The following SEPTIN5 variants were observed in gnomAD, a reference collection of about 807,000 sequenced individuals.
SEPTIN5 encodes septin-5.
A neutral mutation model predicts 51.2 loss-of-function variants in SEPTIN5; 16 were observed. That is an observed-to-expected ratio of 0.31 (90% CI 0.21 to 0.47). The LOEUF (loss-of-function observed/expected upper bound fraction) is 0.47, where lower values mean the gene tolerates loss of function less well. Among genes scored for constraint, SEPTIN5 ranks in the 20% least tolerant of loss-of-function variants. SEPTIN5 has a pLI of 0.99. For missense variants in SEPTIN5, 376 were observed against 500.3 expected (o/e 0.75, Z 2.37); for synonymous variants, 208 against 191.2 (o/e 1.09, Z -0.72).
chr22:19,718,420 CG>C, intron 2 of SEPTIN5: 23 of 1,060,928 alleles, frequency 2.2e-5, no homozygotes, highest in Non-Finnish European at 2.5e-5. Context: ...TGCCGCCCCC[CG>C]CCGCGCGCTC....
intron 2 of SEPTIN5, chr22:19,718,854 A>G: frequency 8.1e-7 from 1 of 1,231,200 alleles, no homozygotes; most frequent in Non-Finnish European, 1.0e-6. Flanking sequence ...TGGGTCTGTG[A>G]CCCCGCGGGC....
intron 2 of SEPTIN5, among the ~76,000 whole-genome samples, chr22:19,716,703 C>T (rs1291245451): frequency 6.6e-6 from 1 of 152,210 alleles, no homozygotes; most frequent in African/African-American, 2.4e-5. Context: ...CCCTCCTGAC[C>T]TGGGCCTCCC....
intron 2 of SEPTIN5, chr22:19,718,506 GCTTGGGGC>G: frequency 1.6e-6 from 2 of 1,255,074 alleles, no homozygotes; most frequent in Non-Finnish European, 2.0e-6. Flanking sequence ...CGCCGCCACA[GCTTGGGGC>G]CAGTTCGCCC....
At chr22:19,718,049 T>G (rs1935942650) in intron 2 of SEPTIN5, 1 of 152,218 alleles carries the variant, frequency 6.6e-6, no homozygotes, top group Non-Finnish European at 1.5e-5. Context: ...CGGGCAAGTC[T>G]GCGAGAAGAC....
Position 19,721,803 on chromosome 22 carries a change from A to ACCCCCCC in SEPTIN5, c.815-16_815-15insCCCCCCC. ...TGTCCTGGGCCGGCGCCAGCCCACTACCCACCCCCACCCCGCAGTGGAGAA... is the reference window on the plus strand; with the variant it reads ...TGTCCTGGGCCGGCGCCAGCCCACTACCCCCCCCCCACCCCCACCCCGCAGTGGAGAA... On this transcript the variant is annotated intron_variant, in intron 9 of 11. Coordinates refer to ENST00000455784, the MANE Select transcript of SEPTIN5 (RefSeq NM_002688.6). The ACCCCCCC allele has an allele frequency of 1.3e-6, 2 of 1,561,964 alleles. No homozygotes were observed. Among genetic ancestry groups the ACCCCCCC allele is most frequent in the Non-Finnish European group, 8.8e-7 (1 of 1,138,866 alleles).
At chr22:19,720,721 G>A in intron 7 of SEPTIN5, 47 bp from the exon 8 acceptor site, 10 of 1,612,108 alleles carry the variant, frequency 6.2e-6, no homozygotes, top group Non-Finnish European at 8.5e-6. Context: ...GAGAGTACCA[G>A]GGGGACTTGT....
At position 19,714,951 on chromosome 22, in the gene SEPTIN5, G is replaced by A. The variant is rs1935893532; in HGVS notation, c.54+160G>A. 6.6e-6 allele frequency among the ~76,000 whole-genome samples: 1 copy of A among 152,208 alleles called. No individual in the cohort carries two copies. The highest frequency in any genetic ancestry group is 1.5e-5 in the Non-Finnish European group (1 of 68,026). ...CAGCCGGGCAGTGCCGCCGCGCCTG[G>A]GGCTTCAGAGGAGAGGAGTGGGGGC... On this transcript the variant is annotated intron_variant, in intron 2 of 11. Transcript: ENST00000455784. The surrounding 1 kb of genome is among the most constrained non-coding windows in gnomAD (Gnocchi z 5.2).
chr22:19,722,165 C>T, intron 10 of SEPTIN5, 72 bp from the exon 11 acceptor site: 1 of 1,253,146 alleles, frequency 8.0e-7, no homozygotes, highest in Non-Finnish European at 1.1e-6. Context: ...CGGGGATGGG[C>T]CAGGCATCGC....
In SEPTIN5 at chr22:19,722,753, CG is replaced by C. The variant is rs1936074218; in HGVS notation, c.*271del. On this transcript the variant is annotated 3_prime_UTR_variant, in exon 12 of 12. Transcript: ENST00000455784. ...GCCTCCCTTGCCCTTCCCCCGCCCC[CG>C]GACGGTCACAGCACCCAAACCGCAG... is the stretch of plus-strand genomic sequence containing the variant. 1.1e-5 allele frequency: 6 copies of C among 549,238 alleles called. No homozygotes were observed. Among genetic ancestry groups the C allele is most frequent in the Admixed American group, 6.4e-5 (2 of 31,326 alleles). The allele number at this position is 549,238 out of a possible 1,614,324, so 34.0% of individuals were successfully genotyped here.
intron 2 of SEPTIN5, chr22:19,717,749 C>T: frequency 3.9e-6 from 1 of 256,850 alleles, no homozygotes; most frequent in Non-Finnish European, 7.8e-6. Flanking sequence ...CCCCGAATGT[C>T]TTGGGAAAGA....
Position 19,720,610 on chromosome 22 carries a change from C to G in SEPTIN5, c.559C>G (p.Leu187Val), listed in dbSNP as rs1345148833. Residue 187 changes from leucine to valine, a missense_variant, in exon 7 of 12, where the codon CTC becomes GTC. Physicochemically the swap from Leu to Val is conservative, Grantham distance 32. Around this residue, in one of 2 missense-constraint regions of SEPTIN5, gnomAD observed 287 missense variants for 417.1 expected, o/e 0.69. Transcript: ENST00000455784. ...GCATGAGAAGGTCAACATCGTGCCTCTCATCGCCAAAGCTGACTGTCTTGT... is the reference window on the plus strand; with the variant it reads ...GCATGAGAAGGTCAACATCGTGCCTGTCATCGCCAAAGCTGACTGTCTTGT... Reference protein sequence around the residue: ...ALHEKVNIVPLIAKADCLVPS... With the variant: ...ALHEKVNIVPVIAKADCLVPS... 6.2e-7 allele frequency: 1 copy of G among 1,612,916 alleles called. No individual in the cohort carries two copies. The highest frequency in any genetic ancestry group is 8.5e-7 in the Non-Finnish European group (1 of 1,180,040).
intron 5 of SEPTIN5, 40 bp downstream of exon 5, chr22:19,720,278 C>T: frequency 6.2e-7 from 1 of 1,613,426 alleles, no homozygotes. Flanking sequence ...CCTAGGCGGC[C>T]ACAGCACTCG....
At chr22:19,721,586 G>T in intron 8 of SEPTIN5, 54 bp from the exon 9 acceptor site, 1 of 1,594,506 alleles carries the variant, frequency 6.3e-7, no homozygotes, top group Admixed American at 1.7e-5. Flanking sequence ...TTTCCCATCA[G>T]TAACCGTGCA....
chr22:19,720,365 C>T lies in SEPTIN5; in HGVS notation c.408C>T (p.Tyr136=), dbSNP rs1288010112. 1.2e-6 allele frequency: 2 copies of T among 1,614,010 alleles called. No individual in the cohort carries two copies. The highest frequency in any genetic ancestry group is 1.1e-5 in the South Asian group (1 of 91,090). ...TDYVDQQFEQ[Y]FRDESGLNRK... ...ATGTGGACCAGCAGTTTGAGCAGTACTTCCGTGATGAGAGCGGCCTCAACC... is the reference window on the plus strand; with the variant it reads ...ATGTGGACCAGCAGTTTGAGCAGTATTTCCGTGATGAGAGCGGCCTCAACC... Residue 136 remains tyrosine, a synonymous_variant, in exon 6 of 12, where the codon TAC becomes TAT. Transcript: ENST00000455784.
Position 19,722,997 on chromosome 22 carries a change from G to T in SEPTIN5, c.*513G>T. ...GGGCAGGGTTGGGCTGAATCAAATG[G>T]GAGCCCTCCAGACATAAGGAGGCCA... On this transcript the variant is annotated 3_prime_UTR_variant, in exon 12 of 12. Coordinates refer to ENST00000455784, the MANE Select transcript of SEPTIN5 (RefSeq NM_002688.6). The T allele has an allele frequency of 2.2e-6, 1 of 446,258 alleles. No individual in the cohort carries two copies. The highest frequency in any genetic ancestry group is 2.0e-5 in the South Asian group (1 of 49,878). The allele number at this position is 446,258 out of a possible 1,614,324, so 27.6% of individuals were successfully genotyped here. A position where few individuals can be genotyped will look rare whatever the true frequency, so the allele number is the denominator to read the frequency against.
chr22:19,720,616 G>A lies in SEPTIN5; in HGVS notation c.565G>A (p.Ala189Thr). 2 of 1,612,972 alleles carry A rather than the reference G, an allele frequency of 1.2e-6. No homozygotes were observed. Among genetic ancestry groups the A allele is most frequent in the Non-Finnish European group, 1.7e-6 (2 of 1,180,022 alleles). ...GAAGGTCAACATCGTGCCTCTCATC[G>A]CCAAAGCTGACTGTCTTGTCCCCAG... ...HEKVNIVPLIAKADCLVPSEI... is the reference protein window; with the variant it reads ...HEKVNIVPLITKADCLVPSEI... Residue 189 changes from alanine (A) to threonine (T), a missense_variant, in exon 7 of 12, where the codon GCC becomes ACC. By Grantham distance (58) the Ala-to-Thr change is moderately conservative. This residue lies in a region of SEPTIN5 where 287 missense variants were observed against 417.1 expected (regional missense o/e 0.69). Coordinates refer to ENST00000455784, the MANE Select transcript of SEPTIN5 (RefSeq NM_002688.6).
In SEPTIN5 at chr22:19,714,551, C is replaced by A. The variant is rs1050335774; in HGVS notation, c.-38C>A. 3 of 1,346,704 alleles carry A rather than the reference C, an allele frequency of 2.2e-6. No individual in the cohort carries two copies. Among genetic ancestry groups the A allele is most frequent in the African/African-American group, 1.5e-5 (1 of 64,742 alleles). The allele number at this position is 1,346,704 out of a possible 1,614,324, so 83.4% of individuals were successfully genotyped here. ...CCGCCGCTTGTCGTCGCGCCCCGCC[C>A]GCGAGCCCGCCCCGCACGTCCCCCG... On this transcript the variant is annotated 5_prime_UTR_variant, in exon 1 of 12. Coordinates refer to ENST00000455784, the MANE Select transcript of SEPTIN5 (RefSeq NM_002688.6). The surrounding 1 kb of genome is among the most constrained non-coding windows in gnomAD (Gnocchi z 5.2).
Position 19,722,923 on chromosome 22 carries a change from A to T in SEPTIN5, c.*439A>T, listed in dbSNP as rs958766044. On this transcript the variant is annotated 3_prime_UTR_variant, in exon 12 of 12. Transcript: ENST00000455784. ...GTCACCCAGCGAGTGCTGAGACCCCATTTTCTGTCGAGGCGGGCCGAGTCT... is the reference window on the plus strand; with the variant it reads ...GTCACCCAGCGAGTGCTGAGACCCCTTTTTCTGTCGAGGCGGGCCGAGTCT... 1 of 443,820 alleles carries T rather than the reference A, an allele frequency of 2.3e-6. No individual in the cohort carries two copies. The highest frequency in any genetic ancestry group is 2.0e-5 in the African/African-American group (1 of 50,890). 27.5% of individuals were successfully genotyped at this position (443,820 alleles called of 1,614,324 possible).
Position 19,720,351 on chromosome 22 carries a change from C to A in SEPTIN5, c.394C>A (p.Gln132Lys). 2 of 1,613,952 alleles carry A rather than the reference C, an allele frequency of 1.2e-6. No individual in the cohort carries two copies. Among genetic ancestry groups the A allele is most frequent in the Non-Finnish European group, 1.7e-6 (2 of 1,180,004 alleles). ...WKPITDYVDQ[Q>K]FEQYFRDESG... ...GCCCATCACCGACTATGTGGACCAG[C>A]AGTTTGAGCAGTACTTCCGTGATGA... The change falls in exon 6 of 12, where the codon CAG becomes AAG. Residue 132 changes from glutamine to lysine, a missense_variant. Around this residue, in one of 2 missense-constraint regions of SEPTIN5, gnomAD observed 287 missense variants for 417.1 expected, o/e 0.69. Coordinates refer to ENST00000455784, the MANE Select transcript of SEPTIN5 (RefSeq NM_002688.6).
Sources: allele counts gnomAD v4.1 joint callset (sites outside exome capture counted in the v4.1 genomes callset), GRCh38; gene constraint gnomAD v4.1.1; regional missense constraint gnomAD v4.1.1; non-coding constraint Gnocchi (gnomAD v3.1); transcripts MANE v1.5; gene names NCBI Gene and HGNC (gene_info 2026-07-23, HGNC 2026-07-21).